The following HRH1 variants were observed in gnomAD, a reference collection of about 807,000 sequenced individuals.
HRH1 encodes histamine receptor H1, also known as histamine H1 receptor.
A neutral mutation model predicts 10.3 loss-of-function variants in HRH1; 6 were observed. The observed-to-expected ratio is 0.58, with a 90% CI of 0.32 to 1.15. The LOEUF is 1.15. Ranked by LOEUF, HRH1 falls within the 50% of genes most tolerant of loss-of-function variation. HRH1 has a pLI of 0.05. For missense variants in HRH1, 514 were observed against 615.3 expected (o/e 0.84, Z 1.74); for synonymous variants, 242 against 236.7 (o/e 1.02, Z -0.21).
At chr3:11,196,852 G>A (rs1248525506) in intron 1 of HRH1, among the ~76,000 whole-genome samples, 2 of 150,750 alleles carry the variant, frequency 1.3e-5, no homozygotes, top group Non-Finnish European at 2.9e-5. Context: ...GCTCACGCCT[G>A]TAATCCCAGC....
chr3:11,144,191 CACT>C (rs1936354353), intron 1 of HRH1, among the ~76,000 whole-genome samples: 1 of 151,970 alleles, frequency 6.6e-6, no homozygotes, highest in Non-Finnish European at 1.5e-5. Context: ...CCAGCAATCT[CACT>C]ACTGAGTATC....
chr3:11,232,729 G>A (rs1939074798), intron 1 of HRH1, among the ~76,000 whole-genome samples: 1 of 152,144 alleles, frequency 6.6e-6, no homozygotes, highest in East Asian at 1.9e-4. Context: ...GGGAAGAATT[G>A]ACATATTTAC....
chr3:11,225,107 G>T (rs970900512), intron 1 of HRH1, among the ~76,000 whole-genome samples: 1 of 152,156 alleles, frequency 6.6e-6, no homozygotes, highest in Non-Finnish European at 1.5e-5. Flanking sequence ...GGAGACCAAG[G>T]GACCCCTTCA....
At chr3:11,174,336 G>A (rs1005684606) in intron 1 of HRH1, among the ~76,000 whole-genome samples, 2 of 152,186 alleles carry the variant, frequency 1.3e-5, no homozygotes, top group African/African-American at 4.8e-5. Context: ...CAGGAGGTAT[G>A]AGGAGATAGC....
intron 1 of HRH1, chr3:11,234,494 G>A: frequency 1.3e-6 from 2 of 1,497,668 alleles, no homozygotes; most frequent in Non-Finnish European, 1.9e-6. Context: ...TTCCCCACAG[G>A]GGCCGCTGGC....
intron 1 of HRH1, among the ~76,000 whole-genome samples, chr3:11,216,333 A>G (rs968624686): frequency 6.6e-6 from 1 of 152,242 alleles, no homozygotes; most frequent in African/African-American, 2.4e-5. Context: ...CCATGTTCAT[A>G]GCAGCATTAT....
chr3:11,212,986 G>T (rs1235317101), intron 1 of HRH1, among the ~76,000 whole-genome samples: 1 of 152,122 alleles, frequency 6.6e-6, no homozygotes, highest in East Asian at 1.9e-4. Context: ...TTTTCCTGCA[G>T]ATCTCTGCAT....
chr3:11,174,263 G>T (rs1937208206), intron 1 of HRH1, among the ~76,000 whole-genome samples: 1 of 152,186 alleles, frequency 6.6e-6, no homozygotes, highest in Non-Finnish European at 1.5e-5. Context: ...ATACCTGCTA[G>T]CACTTGATCA....
intron 1 of HRH1, among the ~76,000 whole-genome samples, chr3:11,182,457 A>G (rs1937376400): frequency 6.6e-6 from 1 of 152,104 alleles, no homozygotes; most frequent in Non-Finnish European, 1.5e-5. Context: ...AATTCATGGA[A>G]CTTCAGGGCC....
intron 1 of HRH1, among the ~76,000 whole-genome samples, chr3:11,191,030 T>G (rs1366202862): frequency 6.6e-6 from 1 of 152,062 alleles, no homozygotes; most frequent in Non-Finnish European, 1.5e-5. Context: ...CCCCCTTTCA[T>G]CCCTTTTTCA....
chr3:11,152,687 T>C (rs1175649402), upstream of HRH1, among the ~76,000 whole-genome samples: 1 of 143,606 alleles, frequency 7.0e-6, no homozygotes, highest in African/African-American at 2.6e-5. Flanking sequence ...AGAGAGGAAA[T>C]GTATTTCCTT....
At chr3:11,155,057 C>T (rs995552771) in intron 1 of HRH1, among the ~76,000 whole-genome samples, 1 of 152,144 alleles carries the variant, frequency 6.6e-6, no homozygotes, top group Non-Finnish European at 1.5e-5. Flanking sequence ...TGCCCAGGAG[C>T]ATCAGCTGGT....
At chr3:11,175,969 G>A (rs1027977678) in intron 1 of HRH1, among the ~76,000 whole-genome samples, 14 of 152,026 alleles carry the variant, frequency 9.2e-5, no homozygotes, top group African/African-American at 3.4e-4. Flanking sequence ...GACTAGCCTG[G>A]GCAACATGGC....
chr3:11,148,392 T>C (rs1399708262), intron 1 of HRH1, among the ~76,000 whole-genome samples: 2 of 152,084 alleles, frequency 1.3e-5, no homozygotes, highest in African/African-American at 4.8e-5. Flanking sequence ...TGTAAGAGAA[T>C]ATCCAAAACA....
chr3:11,179,302 A>C, intron 1 of HRH1, among the ~76,000 whole-genome samples: 1 of 151,276 alleles, frequency 6.6e-6, no homozygotes, highest in African/African-American at 2.4e-5. Flanking sequence ...AAATAAATAA[A>C]TAAAATTTAA....
intron 1 of HRH1, among the ~76,000 whole-genome samples, chr3:11,192,364 A>G (rs1937557379): frequency 6.6e-6 from 1 of 151,784 alleles, no homozygotes; most frequent in Non-Finnish European, 1.5e-5. Flanking sequence ...TTTTAGCTCT[A>G]CCTTATGTTT....
chr3:11,258,976 CCTTA>C lies in HRH1; in HGVS notation c.-35-23_-35-20del, dbSNP rs915379852. ...GGCCACTCATCACCCAAGTCTCTGA[CCTTA>C]CTTTTTCTCTCTTTTCTCCCAGGGA... On this transcript the variant is annotated intron_variant, in intron 1 of 1. Coordinates refer to ENST00000431010, the MANE Select transcript of HRH1 (RefSeq NM_001098212.2). 1.7e-4 allele frequency: 252 copies of C among 1,514,168 alleles called. 1 individual carries two copies. The highest frequency in any genetic ancestry group is 1.1e-3 in the Admixed American group (50 of 46,614). The allele number at this position is 1,514,168 out of a possible 1,614,324, so 93.8% of individuals were successfully genotyped here. A position where few individuals can be genotyped will look rare whatever the true frequency, so the allele number is the denominator to read the frequency against.
intron 1 of HRH1, among the ~76,000 whole-genome samples, chr3:11,220,476 AG>A (rs1177170742): frequency 6.6e-6 from 1 of 152,246 alleles, no homozygotes; most frequent in African/African-American, 2.4e-5. Flanking sequence ...CCTACAACCC[AG>A]TGCAGAGCCT....
chr3:11,182,022 A>G (rs1937364945), intron 1 of HRH1, among the ~76,000 whole-genome samples: 1 of 151,478 alleles, frequency 6.6e-6, no homozygotes, highest in Admixed American at 6.6e-5. Context: ...TTGCTCTGTC[A>G]CCCAGGCTAG....
Sources: allele counts gnomAD v4.1 joint callset (sites outside exome capture counted in the v4.1 genomes callset), GRCh38; gene constraint gnomAD v4.1.1; transcripts MANE v1.5; gene names NCBI Gene and HGNC (gene_info 2026-07-23, HGNC 2026-07-21).